Variants in ZNF831 observed in about 807,000 individuals in gnomAD.
The protein encoded by ZNF831 is zinc finger protein 831.
ZNF831 carries 59 observed loss-of-function variants against 95.8 expected under a neutral mutation model. The ratio of observed to expected loss-of-function variants is 0.62; its 90% CI spans 0.50 to 0.77. The LOEUF is 0.77. Among genes scored for constraint, ZNF831 ranks in the 30% least tolerant of loss-of-function variants. ZNF831 has a pLI of 0.00. For missense variants in ZNF831, 2,205 were observed against 2,164.0 expected, an observed-to-expected ratio of 1.02 and a Z score of -0.38; for synonymous variants, 961 against 925.5, an observed-to-expected ratio of 1.04 and a Z score of -0.70.
chr20:59,132,589 G>GGTGAA (rs1390425051), intron 1 of ZNF831, among the ~76,000 whole-genome samples: 5 of 152,164 alleles, frequency 3.3e-5, no homozygotes, highest in African/African-American at 1.2e-4. Flanking sequence ...TGATCAGAGA[G>GGTGAA]GTGAAGTATC....
chr20:59,139,744 G>C (rs912849380), intron 1 of ZNF831, among the ~76,000 whole-genome samples: 1 of 152,184 alleles, frequency 6.6e-6, no homozygotes, highest in African/African-American at 2.4e-5. Context: ...TAATTTTAAA[G>C]AGTCCTCAAA....
chr20:59,196,004 AG>A lies in ZNF831; in HGVS notation c.3875+1del. 5 of 1,613,226 alleles carry A rather than the reference AG, an allele frequency of 3.1e-6. No homozygotes were observed. The highest frequency in any genetic ancestry group is 4.2e-6 in the Non-Finnish European group (5 of 1,179,602). ...GAGAAAACTGAAGATCAACCCTAAA[AG>A]GTAGGATGAGTGGCCACCTCTGTCA... ...KQRKLKINPK[R>X]YKGNFLQSCV... is the part of the protein sequence containing the mutation. On this transcript the variant is annotated frameshift_variant and splice_region_variant, in exon 3 of 6. Transcript: ENST00000371030. LOFTEE classifies it high-confidence loss of function.
In ZNF831 at chr20:59,211,757, G is replaced by A. The variant is rs113558087; in HGVS notation, c.4027+4701G>A. ...TCCTGGATGGAGAGATCAGAGCTGC[G>A]TCCTCGGTGAGGGAGCTGACCTTGT... On this transcript the variant is annotated intron_variant, in intron 4 of 5. Coordinates refer to ENST00000371030, the MANE Select transcript of ZNF831 (RefSeq NM_178457.3). Among the ~76,000 whole-genome samples the A allele has an allele frequency of 5.9e-3, 887 of 151,138 alleles. 6 individuals carry two copies. Among genetic ancestry groups the A allele is most frequent in the Middle Eastern group, 0.034 (10 of 294 alleles).
intron 4 of ZNF831, among the ~76,000 whole-genome samples, chr20:59,246,406 G>A (rs1402067172): frequency 1.3e-5 from 2 of 152,140 alleles, no homozygotes; most frequent in African/African-American, 4.8e-5. Flanking sequence ...ATGTCCCAGG[G>A]AAGAGACCCA....
intron 4 of ZNF831, among the ~76,000 whole-genome samples, chr20:59,216,687 A>G (rs887942166): frequency 6.6e-6 from 1 of 152,110 alleles, no homozygotes; most frequent in Non-Finnish European, 1.5e-5. Context: ...TGATAGACAG[A>G]TGGCTAGTGT....
chr20:59,190,434 C>T (rs1031903234), intron 1 of ZNF831, among the ~76,000 whole-genome samples: 1 of 152,172 alleles, frequency 6.6e-6, no homozygotes, highest in African/African-American at 2.4e-5. Flanking sequence ...CCTTTCCTTG[C>T]GTCAGTTTTT....
At chr20:59,210,475 T>C (rs536293369) in intron 4 of ZNF831, among the ~76,000 whole-genome samples, 174 of 152,258 alleles carry the variant, frequency 1.1e-3, no homozygotes, top group Non-Finnish European at 2.1e-3. Context: ...CATGAGGCTG[T>C]GTCAGCTGCA....
At chr20:59,222,017 A>C (rs1414181229) in intron 4 of ZNF831, among the ~76,000 whole-genome samples, 2 of 152,202 alleles carry the variant, frequency 1.3e-5, no homozygotes. Context: ...AAATGAACTC[A>C]GTGCATTGGA....
At chr20:59,206,234 A>G (rs1372951149) in intron 3 of ZNF831, among the ~76,000 whole-genome samples, 2 of 152,142 alleles carry the variant, frequency 1.3e-5, no homozygotes, top group Admixed American at 6.5e-5. Context: ...TAGAAGCTCT[A>G]GTGTTTTTCT....
Position 59,193,534 on chromosome 20 carries a change from G to A in ZNF831, c.2515G>A (p.Val839Met), listed in dbSNP as rs1983798597. 1.9e-6 allele frequency: 3 copies of A among 1,606,704 alleles called. No individual in the cohort carries two copies. Among genetic ancestry groups the A allele is most frequent in the African/African-American group, 1.3e-5 (1 of 74,876 alleles). Residue 839 changes from valine to methionine, a missense_variant, in exon 2 of 6, where the codon GTG becomes ATG. By Grantham distance (21) the Val-to-Met change is conservative. Transcript: ENST00000371030. ...GCACAGCTGGAAGCAACCAGAGCCT[G>A]TGAGCGCAGAGACCCCAGGTGGGCC... The part of the protein sequence containing the change: ...DLHSWKQPEP[V>M]SAETPGGPTQ...
In ZNF831 at chr20:59,192,394, C is replaced by G. The variant is rs1387676047; in HGVS notation, c.1375C>G (p.Leu459Val). 1.2e-6 allele frequency: 2 copies of G among 1,612,132 alleles called. No individual in the cohort carries two copies. The highest frequency in any genetic ancestry group is 2.7e-5 in the African/African-American group (2 of 74,896). ...KDSFHFDIRALEPGRRRAPGP... is the reference protein window; with the variant it reads ...KDSFHFDIRAVEPGRRRAPGP... ...CTCCTTCCACTTTGACATCCGCGCG[C>G]TGGAGCCAGGCCGTAGGAGGGCCCC... Residue 459 changes from leucine (L) to valine (V), a missense_variant, in exon 2 of 6, where the codon CTG becomes GTG. Coordinates refer to ENST00000371030, the MANE Select transcript of ZNF831 (RefSeq NM_178457.3). This position sits in a 1 kb window ranked among gnomAD's most constrained non-coding sequence, Gnocchi z 5.2.
At chr20:59,135,073 G>T (rs116576646) in intron 1 of ZNF831, among the ~76,000 whole-genome samples, 2 of 152,016 alleles carry the variant, frequency 1.3e-5, no homozygotes, top group South Asian at 2.1e-4. Context: ...AAGGAATAAC[G>T]ACTATTATTA....
Position 59,254,382 on chromosome 20 carries a change from C to T in ZNF831, c.4673C>T (p.Pro1558Leu), listed in dbSNP as rs1988071626. 6.2e-7 allele frequency: 1 copy of T among 1,613,982 alleles called. No individual in the cohort carries two copies. Among genetic ancestry groups the T allele is most frequent in the South Asian group, 1.1e-5 (1 of 91,078 alleles). The change falls in exon 6 of 6, where the codon CCA becomes CTA. Residue 1558 changes from proline (P) to leucine (L), a missense_variant. By Grantham distance (98) the Pro-to-Leu change is moderately conservative. Transcript: ENST00000371030. The surrounding 1 kb of genome is among the most constrained non-coding windows in gnomAD (Gnocchi z 4.5). ...SSGQRISDSVPLESTEKTHLE... is the reference protein window; with the variant it reads ...SSGQRISDSVLLESTEKTHLE... ...GGACAAAGAATTTCAGATTCGGTTC[C>T]ACTGGAGTCAACTGAAAAAACTCAT...
chr20:59,221,594 C>T (rs1174082746), intron 4 of ZNF831, among the ~76,000 whole-genome samples: 1 of 152,166 alleles, frequency 6.6e-6, no homozygotes, highest in Admixed American at 6.5e-5. Context: ...AGTATGGCCC[C>T]GTGGGGTCAG....
Position 59,186,931 on chromosome 20 carries a change from G to A in ZNF831, c.-36-4053G>A, listed in dbSNP as rs557693031. On this transcript the variant is annotated intron_variant, in intron 1 of 5. Coordinates refer to ENST00000371030, the MANE Select transcript of ZNF831 (RefSeq NM_178457.3). ...GATGTGCTGGTAAATGTTGAGACTG[G>A]CTTTCAGGATGAAAAAAAAAAAAAA... is the stretch of plus-strand genomic sequence containing the variant. 2.0e-5 allele frequency among the ~76,000 whole-genome samples: 3 copies of A among 151,168 alleles called. No homozygotes were observed. The East Asian group carries it at 5.8e-4, about 29-fold the overall frequency.
intron 4 of ZNF831, among the ~76,000 whole-genome samples, chr20:59,249,413 A>G (rs1987775505): frequency 6.6e-6 from 1 of 151,152 alleles, no homozygotes; most frequent in Admixed American, 6.6e-5. Flanking sequence ...TTCCTTTGCG[A>G]CCCCATCACA....
intron 1 of ZNF831, among the ~76,000 whole-genome samples, chr20:59,135,026 T>G (rs1053562491): frequency 3.3e-5 from 5 of 152,084 alleles, no homozygotes; most frequent in Non-Finnish European, 7.4e-5. Flanking sequence ...CTACACCAGC[T>G]ACCCCAGCAG....
intron 1 of ZNF831, among the ~76,000 whole-genome samples, chr20:59,174,664 A>G (rs746493508): frequency 1.9e-3 from 291 of 152,154 alleles, no homozygotes; most frequent in Non-Finnish European, 2.8e-3. Context: ...GCAGTGATCC[A>G]TGTACGCACC....
Position 59,194,328 on chromosome 20 carries a change from G to T in ZNF831, c.3309G>T (p.Leu1103=). ...VLNPWVPNWE[L]GEPPGNAPED... ...ATCCCTGGGTACCCAACTGGGAGCT[G>T]GGGGAGCCTCCTGGGAATGCCCCAG... The change falls in exon 2 of 6, where the codon CTG becomes CTT. Residue 1103 remains leucine, a synonymous_variant. Transcript: ENST00000371030. 6.2e-7 allele frequency: 1 copy of T among 1,613,520 alleles called. No individual in the cohort carries two copies. Among genetic ancestry groups the T allele is most frequent in the South Asian group, 1.1e-5 (1 of 91,068 alleles).
Sources: gnomAD v4.1 joint callset for allele counts (sites outside exome capture counted in the v4.1 genomes callset) on GRCh38, gnomAD v4.1.1 for gene constraint, Gnocchi (gnomAD v3.1) non-coding constraint, MANE v1.5 for transcripts, NCBI Gene and HGNC (gene_info 2026-07-23, HGNC 2026-07-21) for gene names.